The following MTUS2 variants were observed in gnomAD, a reference collection of about 807,000 sequenced individuals.
MTUS2 encodes microtubule-associated tumor suppressor candidate 2.
MTUS2 carries 40 observed loss-of-function variants against 114.1 expected under a neutral mutation model. That is an observed-to-expected ratio of 0.35 (90% CI 0.27 to 0.46). The LOEUF is 0.46. MTUS2 is among the 20% of genes least tolerant of loss of function. The pLI, the probability that MTUS2 is intolerant of heterozygous loss-of-function variation, is 1.00. For synonymous variants in MTUS2, 688 were observed against 672.0 expected, an observed-to-expected ratio of 1.02 and a Z score of -0.37; for missense variants, 1,679 against 1,705.4, an observed-to-expected ratio of 0.98 and a Z score of 0.27.
chr13:29,180,876 C>T (rs1335853450), intron 5 of MTUS2, among the ~76,000 whole-genome samples: 2 of 152,290 alleles, frequency 1.3e-5, no homozygotes, highest in South Asian at 2.1e-4. Context: ...TAATTTTCCA[C>T]AAATTGTATT....
intron 2 of MTUS2, among the ~76,000 whole-genome samples, chr13:28,971,140 T>TC (rs1166976328): frequency 6.6e-6 from 1 of 152,204 alleles, no homozygotes; most frequent in Non-Finnish European, 1.5e-5. Flanking sequence ...TTGGGATTTT[T>TC]CAAATACTAT....
chr13:29,415,982 G>A (rs774347476), intron 8 of MTUS2, among the ~76,000 whole-genome samples: 1 of 151,694 alleles, frequency 6.6e-6, no homozygotes, highest in African/African-American at 2.4e-5. Flanking sequence ...GGAGTGACAC[G>A]ATCTCAGCTT....
chr13:28,996,473 G>C (rs986875182), intron 2 of MTUS2, among the ~76,000 whole-genome samples: 18 of 152,172 alleles, frequency 1.2e-4, no homozygotes, highest in South Asian at 2.1e-4. Context: ...AGAAGGAATG[G>C]TAGCAGCTCC....
chr13:28,914,531 C>A (rs916118177), intron 2 of MTUS2, among the ~76,000 whole-genome samples: 1 of 150,866 alleles, frequency 6.6e-6, no homozygotes, highest in Non-Finnish European at 1.5e-5. Context: ...AATTTTAGAG[C>A]AAATGTGGCA....
intron 5 of MTUS2, among the ~76,000 whole-genome samples, chr13:29,121,416 AT>A (rs1891300464): frequency 6.8e-6 from 1 of 146,674 alleles, no homozygotes. Context: ...CCTATATCAA[AT>A]TAATTTTATG....
At chr13:29,172,171 CT>C (rs1028829823) in intron 5 of MTUS2, among the ~76,000 whole-genome samples, 1 of 152,214 alleles carries the variant, frequency 6.6e-6, no homozygotes, top group African/African-American at 2.4e-5. Flanking sequence ...CTCATGATGG[CT>C]TTGCTACTGA....
intron 5 of MTUS2, among the ~76,000 whole-genome samples, chr13:29,166,355 A>C (rs1893316669): frequency 6.6e-6 from 1 of 152,228 alleles, no homozygotes; most frequent in South Asian, 2.1e-4. Context: ...GAACCCTCTG[A>C]CCAAAAGAAC....
intron 8 of MTUS2, among the ~76,000 whole-genome samples, chr13:29,365,841 T>C (rs574955488): frequency 1.1e-4 from 16 of 152,288 alleles, no homozygotes; most frequent in African/African-American, 3.1e-4. Context: ...TGGCGACTTA[T>C]TTGAAAATAA....
intron 5 of MTUS2, among the ~76,000 whole-genome samples, chr13:29,200,521 GT>G (rs56965083): frequency 1.9e-4 from 16 of 85,420 alleles, no homozygotes; most frequent in South Asian, 4.3e-4. Context: ...TTCTTTTTCT[GT>G]TTTTTTTTTT....
intron 10 of MTUS2, among the ~76,000 whole-genome samples, chr13:29,487,054 A>T (rs1881666882): frequency 6.6e-6 from 1 of 152,230 alleles, no homozygotes; most frequent in Non-Finnish European, 1.5e-5. Flanking sequence ...GACTGGCTGC[A>T]CTACTTGCGA....
At chr13:28,825,290 C>A (rs1447535688) in intron 1 of MTUS2, among the ~76,000 whole-genome samples, 1 of 152,164 alleles carries the variant, frequency 6.6e-6, no homozygotes, top group African/African-American at 2.4e-5. Flanking sequence ...AGGAAAGAGG[C>A]TGGGGGCAAG....
intron 5 of MTUS2, among the ~76,000 whole-genome samples, chr13:29,226,880 T>C (rs1016323253): frequency 2.0e-5 from 3 of 152,196 alleles, no homozygotes; most frequent in Admixed American, 2.0e-4. Flanking sequence ...CTCAGAATCC[T>C]TTCAAGAAGA....
At chr13:29,347,127 C>A (rs1366444538) in intron 7 of MTUS2, among the ~76,000 whole-genome samples, 13 of 152,114 alleles carry the variant, frequency 8.5e-5, no homozygotes. Flanking sequence ...TGTGTCTCCA[C>A]AAGCTGCTCT....
intron 4 of MTUS2, among the ~76,000 whole-genome samples, chr13:29,092,950 G>GT (rs1296043669): frequency 6.6e-6 from 1 of 152,160 alleles, no homozygotes; most frequent in African/African-American, 2.4e-5. Context: ...TGGGGCAAGT[G>GT]TAAGTGTTCT....
At chr13:28,998,294 C>T (rs888159701) in intron 2 of MTUS2, among the ~76,000 whole-genome samples, 1 of 152,176 alleles carries the variant, frequency 6.6e-6, no homozygotes, top group African/African-American at 2.4e-5. Context: ...TTGTGGGTAA[C>T]CCGTCTTTTC....
chr13:29,368,853 T>G (rs1474641073), intron 8 of MTUS2, among the ~76,000 whole-genome samples: 2 of 152,188 alleles, frequency 1.3e-5, no homozygotes, highest in Non-Finnish European at 2.9e-5. Flanking sequence ...AGGGATGAGA[T>G]TCACAGGAGG....
intron 6 of MTUS2, among the ~76,000 whole-genome samples, chr13:29,322,387 G>A (rs968019332): frequency 1.8e-4 from 27 of 152,280 alleles, no homozygotes; most frequent in Middle Eastern, 3.4e-3. Context: ...CTTCAGCAGA[G>A]TGCAGTGGCT....
chr13:29,314,677 C>T (rs773939716), intron 6 of MTUS2, among the ~76,000 whole-genome samples: 2 of 152,160 alleles, frequency 1.3e-5, no homozygotes, highest in East Asian at 1.9e-4. Flanking sequence ...AGTATGAAAG[C>T]GTATGGAGGG....
intron 11 of MTUS2, among the ~76,000 whole-genome samples, chr13:29,488,567 C>T (rs1318547829): frequency 1.3e-5 from 2 of 151,774 alleles, no homozygotes; most frequent in African/African-American, 2.4e-5. Context: ...CAGCTGGAGC[C>T]TCCAGCCCGA....
Sources: allele counts gnomAD v4.1 joint callset (sites outside exome capture counted in the v4.1 genomes callset), GRCh38; gene constraint gnomAD v4.1.1; transcripts MANE v1.5; gene names NCBI Gene and HGNC (gene_info 2026-07-23, HGNC 2026-07-21).